Variants in IL2RA observed in about 807,000 individuals in gnomAD.
IL2RA encodes interleukin 2 receptor subunit alpha.
IL2RA carries 24 observed loss-of-function variants against 37.8 expected under a neutral mutation model. That is an observed-to-expected ratio of 0.63 (90% CI 0.46 to 0.89). The LOEUF (loss-of-function observed/expected upper bound fraction) is 0.89, where lower values mean the gene tolerates loss of function less well. Ranked by LOEUF, IL2RA falls within the 40% of genes least tolerant of loss-of-function variation. The pLI is 0.00. For missense variants in IL2RA, 319 were observed against 348.6 expected (o/e 0.92, Z 0.68); for synonymous variants, 125 against 114.6 (o/e 1.09, Z -0.58).
intron 5 of IL2RA, 144 bp downstream of exon 5, chr10:6,019,726 C>T (rs1463600891): frequency 3.5e-6 from 3 of 862,954 alleles, no homozygotes; most frequent in Non-Finnish European, 5.9e-6. Flanking sequence ...TTGCTGAGGC[C>T]CTGTCCCTGC....
rs2132904848 is a variant in IL2RA, at chr10:6,057,153, G to C, written c.64+4935C>G. Among the ~76,000 whole-genome samples the C allele has an allele frequency of 1.3e-5, 2 of 152,292 alleles. No homozygotes were observed. The highest frequency in any genetic ancestry group is 3.4e-3 in the Middle Eastern group (1 of 294). On this transcript the variant is annotated intron_variant, in intron 1 of 7. Coordinates refer to ENST00000379959, the MANE Select transcript of IL2RA (RefSeq NM_000417.3). This position sits in a 1 kb window ranked among gnomAD's most constrained non-coding sequence, Gnocchi z 4.8. Reference sequence around the variant, plus strand: ...AACTTATGACTCTCTTAAGGATCAGGACTATGTCGCTCATTTTTACATTTC... The same window carrying C: ...AACTTATGACTCTCTTAAGGATCAGCACTATGTCGCTCATTTTTACATTTC...
chr10:6,034,191 A>G (rs373155887), intron 1 of IL2RA, among the ~76,000 whole-genome samples: 2 of 152,340 alleles, frequency 1.3e-5, no homozygotes, highest in East Asian at 3.9e-4. Context: ...ATGCGGGGAC[A>G]AGGGGAAGTT....
intron 7 of IL2RA, chr10:6,017,259 A>T (rs1378247808): frequency 6.6e-6 from 1 of 152,358 alleles, no homozygotes; most frequent in Non-Finnish European, 1.5e-5. Flanking sequence ...GGTCAAGGGG[A>T]TGCCGGTGTG....
chr10:6,013,486 C>T (rs949088947), intron 7 of IL2RA, among the ~76,000 whole-genome samples: 3 of 152,128 alleles, frequency 2.0e-5, no homozygotes, highest in African/African-American at 4.8e-5. Context: ...TAATTACTCC[C>T]TACTTTGCAC....
At position 6,044,441 on chromosome 10, in the gene IL2RA, T is replaced by G. The variant is rs144586039; in HGVS notation, c.64+17647A>C. Reference sequence around the variant, plus strand: ...ATTACACGCAGTTTAAGGGGCAGTTTGCAGAAATTTCTAGGGAAGGGGTAG... The same window carrying G: ...ATTACACGCAGTTTAAGGGGCAGTTGGCAGAAATTTCTAGGGAAGGGGTAG... On this transcript the variant is annotated intron_variant, in intron 1 of 7. Transcript: ENST00000379959. This position sits in a 1 kb window ranked among gnomAD's most constrained non-coding sequence, Gnocchi z 4.5. Among the ~76,000 whole-genome samples the G allele has an allele frequency of 6.6e-6, 1 of 152,338 alleles. No individual in the cohort carries two copies. The highest frequency in any genetic ancestry group is 1.9e-4 in the East Asian group (1 of 5,190).
In IL2RA at chr10:6,014,579, A is replaced by G. The variant is rs936026427; in HGVS notation, c.795-1683T>C. Among the ~76,000 whole-genome samples the G allele has an allele frequency of 6.7e-6, 1 of 149,896 alleles. No homozygotes were observed. Among genetic ancestry groups the G allele is most frequent in the African/African-American group, 2.5e-5 (1 of 39,292 alleles). Reference sequence around the variant, plus strand: ...CTTTTGATCTTCAAACTAACAAATGAAAAAAATCCTTGCAAGGTGTTAAGG... The same window carrying G: ...CTTTTGATCTTCAAACTAACAAATGGAAAAAATCCTTGCAAGGTGTTAAGG... On this transcript the variant is annotated intron_variant, in intron 7 of 7. Coordinates refer to ENST00000379959, the MANE Select transcript of IL2RA (RefSeq NM_000417.3). This position sits in a 1 kb window ranked among gnomAD's most constrained non-coding sequence, Gnocchi z 4.4.
In IL2RA at chr10:6,022,175, C is replaced by G. The variant is rs1348061607; in HGVS notation, c.368-482G>C. On this transcript the variant is annotated intron_variant, in intron 3 of 7. Coordinates refer to ENST00000379959, the MANE Select transcript of IL2RA (RefSeq NM_000417.3). The surrounding 1 kb of genome is among the most constrained non-coding windows in gnomAD (Gnocchi z 4.7). ...TGCTGGACAAGTGAGGAAGTGCATT[C>G]TTGGGGGCAGCGGCTGGGCATCTTG... Among the ~76,000 whole-genome samples, 1 of 152,084 alleles carries G rather than the reference C, an allele frequency of 6.6e-6. No homozygotes were observed. Among genetic ancestry groups the G allele is most frequent in the Non-Finnish European group, 1.5e-5 (1 of 68,012 alleles).
At chr10:6,017,462 C>A (rs1203516037) in intron 7 of IL2RA, among the ~76,000 whole-genome samples, 3 of 151,952 alleles carry the variant, frequency 2.0e-5, no homozygotes, top group African/African-American at 7.3e-5. Context: ...CCAAAGGTTT[C>A]TGAGAAGGTA....
rs1839381116 is a variant in IL2RA, at chr10:6,021,240, A to G, written c.583+238T>C. Among the ~76,000 whole-genome samples, 1 of 151,840 alleles carries G rather than the reference A, an allele frequency of 6.6e-6. No homozygotes were observed. Among genetic ancestry groups the G allele is most frequent in the South Asian group, 2.1e-4 (1 of 4,808 alleles). ...GGGCTTTCCTTCTCTTCTGTCTCCA[A>G]CCTTTCTCCCCACTCAGGGCACAGG... On this transcript the variant is annotated intron_variant, in intron 4 of 7. Coordinates refer to ENST00000379959, the MANE Select transcript of IL2RA (RefSeq NM_000417.3). The surrounding 1 kb of genome is among the most constrained non-coding windows in gnomAD (Gnocchi z 4.9).
chr10:6,042,611 C>A (rs1839789634), intron 1 of IL2RA, among the ~76,000 whole-genome samples: 5 of 151,838 alleles, frequency 3.3e-5, no homozygotes, highest in Admixed American at 2.0e-4. Flanking sequence ...CTTAGAAGAT[C>A]CAAGAATCTA....
chr10:6,022,516 T>C lies in IL2RA; in HGVS notation c.368-823A>G, dbSNP rs1225099344. ...ACCCCAGCCTGTGAAACTGCGCACG[T>C]GCTCTGAACTTCCAGACTCTCCCCA... is the stretch of plus-strand genomic sequence containing the variant. On this transcript the variant is annotated intron_variant, in intron 3 of 7. Coordinates refer to ENST00000379959, the MANE Select transcript of IL2RA (RefSeq NM_000417.3). The surrounding 1 kb of genome is among the most constrained non-coding windows in gnomAD (Gnocchi z 4.7). 6.6e-6 allele frequency among the ~76,000 whole-genome samples: 1 copy of C among 152,194 alleles called. No individual in the cohort carries two copies. The highest frequency in any genetic ancestry group is 1.5e-5 in the Non-Finnish European group (1 of 68,038).
intron 1 of IL2RA, among the ~76,000 whole-genome samples, chr10:6,031,512 G>GTA (rs58221909): frequency 3.8e-5 from 2 of 52,698 alleles, no homozygotes; most frequent in African/African-American, 6.9e-5. Flanking sequence ...ATATATATAT[G>GTA]TATATATATG....
intron 1 of IL2RA, among the ~76,000 whole-genome samples, chr10:6,052,941 C>T (rs898812750): frequency 9.9e-5 from 15 of 152,094 alleles, no homozygotes; most frequent in Non-Finnish European, 1.9e-4. Flanking sequence ...CAGCAGGACC[C>T]GGAGAACCCA....
chr10:6,026,547 A>T lies in IL2RA; in HGVS notation c.65-522T>A, dbSNP rs12253789. Among the ~76,000 whole-genome samples, 534 of 152,310 alleles carry T rather than the reference A, an allele frequency of 3.5e-3. 2 individuals are homozygous for T. Among genetic ancestry groups the T allele is most frequent in the African/African-American group, 0.011 (443 of 41,560 alleles). On this transcript the variant is annotated intron_variant, in intron 1 of 7. Coordinates refer to ENST00000379959, the MANE Select transcript of IL2RA (RefSeq NM_000417.3). ...TTTCTCACCCACCTGCCCACCTCTG[A>T]GTTCACCAAATACCTTCTTATATTA...
intron 1 of IL2RA, among the ~76,000 whole-genome samples, chr10:6,042,784 C>T (rs1210310181): frequency 6.6e-6 from 1 of 151,934 alleles, no homozygotes; most frequent in Admixed American, 6.5e-5. Context: ...CACCAGGTAT[C>T]AATGAAACTT....
chr10:6,038,357 C>T lies in IL2RA; in HGVS notation c.65-12332G>A, dbSNP rs148942716. Among the ~76,000 whole-genome samples, 409 of 152,310 alleles carry T rather than the reference C, an allele frequency of 2.7e-3. 2 individuals are homozygous for T. The highest frequency in any genetic ancestry group is 6.8e-3 in the Middle Eastern group (2 of 294). ...TTCAGATTATTATCTTTGAAGAAGT[C>T]AGAGGGCCCAGGCCCTCCATTTGGG... On this transcript the variant is annotated intron_variant, in intron 1 of 7. Coordinates refer to ENST00000379959, the MANE Select transcript of IL2RA (RefSeq NM_000417.3).
intron 1 of IL2RA, among the ~76,000 whole-genome samples, chr10:6,031,361 C>T (rs1005399477): frequency 1.3e-5 from 2 of 148,938 alleles, no homozygotes; most frequent in African/African-American, 4.9e-5. Context: ...GAACATTATT[C>T]TCAGATAACA....
rs1220170370 is a variant in IL2RA, at chr10:6,022,392, C to T, written c.368-699G>A. The stretch of plus-strand genomic sequence containing the variant: ...TCACCCAACTACATCCCAGGCCTGA[C>T]GGACCTGTGGCCTGAGACCATGTCT... On this transcript the variant is annotated intron_variant, in intron 3 of 7. Transcript: ENST00000379959. This position sits in a 1 kb window ranked among gnomAD's most constrained non-coding sequence, Gnocchi z 4.7. Among the ~76,000 whole-genome samples the T allele has an allele frequency of 2.0e-5, 3 of 152,332 alleles. No homozygotes were observed. Among genetic ancestry groups the T allele is most frequent in the South Asian group, 2.1e-4 (1 of 4,826 alleles).
chr10:6,043,117 A>C (rs111232064), intron 1 of IL2RA, among the ~76,000 whole-genome samples: 3 of 152,346 alleles, frequency 2.0e-5, no homozygotes, highest in African/African-American at 7.2e-5. Context: ...ATTGTCCATC[A>C]AAAGAAGGTT....
Sources: allele counts gnomAD v4.1 joint callset (sites outside exome capture counted in the v4.1 genomes callset), GRCh38; gene constraint gnomAD v4.1.1; non-coding constraint Gnocchi (gnomAD v3.1); transcripts MANE v1.5; gene names NCBI Gene and HGNC (gene_info 2026-07-23, HGNC 2026-07-21).